Variants in RECK observed in about 807,000 individuals in gnomAD.
The protein encoded by RECK is reversion inducing cysteine rich protein with kazal motifs, also known as reversion-inducing cysteine-rich protein with Kazal motifs.
A neutral mutation model predicts 115.1 loss-of-function variants in RECK; 69 were observed. The ratio of observed to expected loss-of-function variants is 0.60; its 90% CI spans 0.49 to 0.73. The LOEUF is 0.73. Ranked by LOEUF, RECK falls within the 30% of genes least tolerant of loss-of-function variation. The probability of loss-of-function intolerance (pLI) is 0.00; values close to 1 mark genes in which losing one functional copy is unlikely to be tolerated. For missense variants in RECK, 1,047 were observed against 1,203.7 expected (o/e 0.87, Z 1.93); for synonymous variants, 414 against 419.7 (o/e 0.99, Z 0.17).
At chr9:36,111,580 G>A (rs1415809187) in intron 15 of RECK, among the ~76,000 whole-genome samples, 1 of 152,102 alleles carries the variant, frequency 6.6e-6, no homozygotes, top group African/African-American at 2.4e-5. Context: ...TTTTAGTAGA[G>A]ATGGGGTTTC....
intron 2 of RECK, among the ~76,000 whole-genome samples, chr9:36,055,438 A>C (rs898686420): frequency 1.3e-5 from 2 of 152,194 alleles, no homozygotes; most frequent in African/African-American, 2.4e-5. Flanking sequence ...ACTGGGACCT[A>C]AATTTTATTT....
intron 6 of RECK, among the ~76,000 whole-genome samples, chr9:36,071,896 G>A (rs961807156): frequency 5.9e-5 from 9 of 152,138 alleles, no homozygotes; most frequent in African/African-American, 2.2e-4. Context: ...ATAGAATGGT[G>A]CAGGTATGTG....
chr9:36,044,227 T>A (rs1159930945), intron 1 of RECK, among the ~76,000 whole-genome samples: 4 of 152,056 alleles, frequency 2.6e-5, no homozygotes, highest in Non-Finnish European at 4.4e-5. Flanking sequence ...TTTATTTTTT[T>A]TTTTTGCAGC....
At chr9:36,089,664 T>TAAGA (rs1490567014) in intron 9 of RECK, among the ~76,000 whole-genome samples, 1 of 152,166 alleles carries the variant, frequency 6.6e-6, no homozygotes, top group Non-Finnish European at 1.5e-5. Flanking sequence ...AAATACTGTA[T>TAAGA]AAGATTACCT....
At chr9:36,116,340 C>T (rs1355341331) in intron 16 of RECK, among the ~76,000 whole-genome samples, 6 of 152,098 alleles carry the variant, frequency 3.9e-5, no homozygotes, top group Non-Finnish European at 8.8e-5. Flanking sequence ...GTTGGTCAGG[C>T]TGGTCTCGAC....
chr9:36,064,717 G>T (rs546876275), intron 5 of RECK, among the ~76,000 whole-genome samples: 1 of 152,170 alleles, frequency 6.6e-6, no homozygotes, highest in East Asian at 1.9e-4. Context: ...AGTTGCAGAG[G>T]ATTTGAAGTA....
chr9:36,121,976 G>A (rs139245156), intron 20 of RECK, among the ~76,000 whole-genome samples: 500 of 152,286 alleles, frequency 3.3e-3, no homozygotes, highest in African/African-American at 0.012. Context: ...GAAGGGGTCC[G>A]AGAAATCACT....
At chr9:36,098,937 T>G (rs192761591) in intron 10 of RECK, among the ~76,000 whole-genome samples, 49 of 152,140 alleles carry the variant, frequency 3.2e-4, no homozygotes, top group African/African-American at 1.2e-3. Context: ...GTGATGAAAA[T>G]GTTCTAGCCC....
chr9:36,067,369 G>A (rs1379113812), intron 6 of RECK, among the ~76,000 whole-genome samples: 4 of 152,166 alleles, frequency 2.6e-5, no homozygotes, highest in Non-Finnish European at 5.9e-5. Context: ...TTTAAGGGTA[G>A]CATTTACCCT....
chr9:36,043,745 A>G, intron 1 of RECK, among the ~76,000 whole-genome samples: 1 of 152,132 alleles, frequency 6.6e-6, no homozygotes, highest in Non-Finnish European at 1.5e-5. Context: ...ACAGTTTGCC[A>G]ATTATCCCAG....
chr9:36,103,383 A>AT (rs1243394556), intron 12 of RECK, among the ~76,000 whole-genome samples: 12 of 152,228 alleles, frequency 7.9e-5, no homozygotes, highest in Admixed American at 5.9e-4. Context: ...CATCCTTAGC[A>AT]TTTAGCTTCA....
intron 6 of RECK, chr9:36,066,907 A>G (rs1176280185): frequency 8.2e-7 from 1 of 1,212,248 alleles, no homozygotes; most frequent in South Asian, 1.3e-5. Context: ...AGAAATACTA[A>G]GAATAGTTTA....
At position 36,083,543 on chromosome 9, in the gene RECK, A is replaced by T; in HGVS notation, c.618A>T (p.Pro206=). ...HCVNNYTQSY[P]MRNPTDSLYC... is the part of the protein sequence containing the mutation. Reference sequence around the variant, plus strand: ...TGAACAATTATACTCAATCTTATCCAATGAGGAACCCAACGGATAGTAAGT... The same window carrying T: ...TGAACAATTATACTCAATCTTATCCTATGAGGAACCCAACGGATAGTAAGT... Residue 206 remains proline (P), a synonymous_variant, in exon 8 of 21, where the codon CCA becomes CCT. Coordinates refer to ENST00000377966, the MANE Select transcript of RECK (RefSeq NM_021111.3). The T allele has an allele frequency of 6.2e-7, 1 of 1,613,536 alleles. No individual in the cohort carries two copies. Among genetic ancestry groups the T allele is most frequent in the Non-Finnish European group, 8.5e-7 (1 of 1,179,666 alleles).
intron 16 of RECK, among the ~76,000 whole-genome samples, chr9:36,115,907 A>AAT (rs1824240950): frequency 6.6e-6 from 1 of 152,170 alleles, no homozygotes; most frequent in Admixed American, 6.5e-5. Context: ...ACCCTTTATA[A>AAT]AAATTAGGAA....
At position 36,110,042 on chromosome 9, in the gene RECK, T is replaced by C. The variant is rs766588552; in HGVS notation, c.1851T>C (p.Ser617=). The part of the protein sequence containing the change: ...NLVCSTRLCL[S]EHSSEDDRRT... ...TGTGCTCTACCCGCCTTTGCCTCAG[T>C]GAGCACAGTTCAGAAGATGACCGTC... The change falls in exon 15 of 21, where the codon AGT becomes AGC. Residue 617 remains serine (S), a synonymous_variant. Transcript: ENST00000377966. 6 of 1,613,708 alleles carry C rather than the reference T, an allele frequency of 3.7e-6. No individual in the cohort carries two copies. The highest frequency in any genetic ancestry group is 1.6e-4 in the Middle Eastern group (1 of 6,084).
rs1456378809 is a variant in RECK, at chr9:36,052,261, C to G, written c.101-4C>G. 6.3e-6 allele frequency: 10 copies of G among 1,594,518 alleles called. No homozygotes were observed. Among genetic ancestry groups the G allele is most frequent in the Non-Finnish European group, 7.7e-6 (9 of 1,162,684 alleles). On this transcript the variant is annotated splice_region_variant and splice_polypyrimidine_tract_variant and intron_variant, in intron 1 of 20. Coordinates refer to ENST00000377966, the MANE Select transcript of RECK (RefSeq NM_021111.3). ...AACATTTGATGTTTATTTTTTCTCC[C>G]TAGGTGCATTGTGTTGTAATCATTC...
chr9:36,059,478 G>C lies in RECK; in HGVS notation c.234+577G>C, dbSNP rs896516393. On this transcript the variant is annotated intron_variant, in intron 3 of 20. Transcript: ENST00000377966. ...CTCAAAAAAAAAAAAAAAATTATCT[G>C]GAACTTAGAATTTTATTTATTATTA... Among the ~76,000 whole-genome samples the C allele has an allele frequency of 4.9e-4, 74 of 151,680 alleles. 2 individuals are homozygous for C. In the Middle Eastern group the frequency reaches 0.024, roughly 49 times the overall value.
Position 36,108,113 on chromosome 9 carries a change from A to G in RECK, c.1714A>G (p.Met572Val). ...QSGLLENCMEMHCIDLQKSCI... is the reference protein window; with the variant it reads ...QSGLLENCMEVHCIDLQKSCI... ...TGGACTCTTAGAAAACTGTATGGAAATGCACTGTATAGACCTCCAGAAGTC... is the reference window on the plus strand; with the variant it reads ...TGGACTCTTAGAAAACTGTATGGAAGTGCACTGTATAGACCTCCAGAAGTC... The change falls in exon 14 of 21, where the codon ATG becomes GTG. Residue 572 changes from methionine (M) to valine (V), a missense_variant. Physicochemically the swap from Met to Val is conservative, Grantham distance 21. Coordinates refer to ENST00000377966, the MANE Select transcript of RECK (RefSeq NM_021111.3). 1 of 1,614,064 alleles carries G rather than the reference A, an allele frequency of 6.2e-7. No homozygotes were observed. The highest frequency in any genetic ancestry group is 1.1e-5 in the South Asian group (1 of 91,064).
At chr9:36,106,394 C>G (rs150693460) in intron 13 of RECK, among the ~76,000 whole-genome samples, 3,872 of 151,520 alleles carry the variant, frequency 0.026, 175 homozygotes, top group African/African-American at 0.087. Flanking sequence ...ACCACCATGC[C>G]CAGCTAATTT....
Sources: gnomAD v4.1 joint callset for allele counts (sites outside exome capture counted in the v4.1 genomes callset) on GRCh38, gnomAD v4.1.1 for gene constraint, MANE v1.5 for transcripts, NCBI Gene and HGNC (gene_info 2026-07-23, HGNC 2026-07-21) for gene names.